PRKN: variants seen among roughly 807,000 people sequenced by gnomAD.
PRKN encodes E3 ubiquitin-protein ligase parkin.
A neutral mutation model predicts 59.5 loss-of-function variants in PRKN; 56 were observed. That is an observed-to-expected ratio of 0.94 (90% CI 0.76 to 1.18). The LOEUF (loss-of-function observed/expected upper bound fraction) is 1.18. Among genes scored for constraint, PRKN ranks in the 50% most tolerant of loss-of-function variants. The pLI, the probability that PRKN is intolerant of heterozygous loss-of-function variation, is 0.00. For synonymous variants in PRKN, 250 were observed against 222.1 expected, an observed-to-expected ratio of 1.13 and a Z score of -1.12; for missense variants, 657 against 596.4, an observed-to-expected ratio of 1.10 and a Z score of -1.06.
Position 162,126,224 on chromosome 6 carries a change from T to G in PRKN, c.535-72050A>C, listed in dbSNP as rs564127712. Reference sequence around the variant, plus strand: ...AGACCGAGACACAGAGTTCTCATTCTCATTCCCAATGGGAAGCAGCACTAA... The same window carrying G: ...AGACCGAGACACAGAGTTCTCATTCGCATTCCCAATGGGAAGCAGCACTAA... On this transcript the variant is annotated intron_variant, in intron 4 of 11. Transcript: ENST00000366898. 2.8e-4 allele frequency among the ~76,000 whole-genome samples: 43 copies of G among 152,328 alleles called. No individual in the cohort carries two copies. In the East Asian group the frequency reaches 4.8e-3, roughly 17 times the overall value.
chr6:162,539,369 T>G (rs970042516), intron 1 of PRKN, among the ~76,000 whole-genome samples: 1 of 152,192 alleles, frequency 6.6e-6, no homozygotes, highest in Non-Finnish European at 1.5e-5. Flanking sequence ...TTCATAATTG[T>G]TCATGTCCCT....
At chr6:161,564,629 T>G (rs1013028364) in intron 8 of PRKN, among the ~76,000 whole-genome samples, 5 of 152,076 alleles carry the variant, frequency 3.3e-5, no homozygotes, top group African/African-American at 4.8e-5. Flanking sequence ...AGTAAAACAT[T>G]TTCCCTTTCT....
intron 6 of PRKN, among the ~76,000 whole-genome samples, chr6:161,896,541 C>T (rs534798224): frequency 1.3e-5 from 2 of 152,242 alleles, no homozygotes; most frequent in Non-Finnish European, 2.9e-5. Flanking sequence ...TAGAAACATC[C>T]CCTGACCTAG....
chr6:161,973,014 C>G (rs1281669285), intron 6 of PRKN, among the ~76,000 whole-genome samples: 1 of 152,156 alleles, frequency 6.6e-6, no homozygotes, highest in African/African-American at 2.4e-5. Context: ...ATTTTAATAT[C>G]AACTAAGATT....
chr6:161,550,804 G>C lies in PRKN; in HGVS notation c.934-1801C>G, dbSNP rs753426898. Among the ~76,000 whole-genome samples the C allele has an allele frequency of 6.6e-6, 1 of 151,480 alleles. No homozygotes were observed. The highest frequency in any genetic ancestry group is 1.5e-5 in the Non-Finnish European group (1 of 67,874). ...AAATAATTATTTCTATTGTGCTCGT[G>C]TTCAGTTTGATAAGCTATTACACAG... On this transcript the variant is annotated intron_variant, in intron 8 of 11. Transcript: ENST00000366898. The surrounding 1 kb of genome is among the most constrained non-coding windows in gnomAD (Gnocchi z 4.0).
At chr6:161,972,878 A>T (rs914224860) in intron 6 of PRKN, among the ~76,000 whole-genome samples, 1 of 152,134 alleles carries the variant, frequency 6.6e-6, no homozygotes, top group Non-Finnish European at 1.5e-5. Context: ...CTACAAATAC[A>T]AAAAATTAGC....
intron 2 of PRKN, among the ~76,000 whole-genome samples, chr6:162,315,214 A>G (rs1782699860): frequency 6.6e-6 from 1 of 152,168 alleles, no homozygotes; most frequent in African/African-American, 2.4e-5. Context: ...AACTCTAACG[A>G]CCGACTTCCT....
rs1784599335 is a variant in PRKN at position 161,352,745 on chromosome 6, GTGTGTGTGTGTA to G, written c.1286-2546_1286-2535del. ...ATGAAGAGTGTGTGTGTGTGTGTGT[GTGTGTGTGTGTA>G]TATATATATATATATTTTATTTTAT... On this transcript the variant is annotated intron_variant, in intron 11 of 11. Coordinates refer to ENST00000366898, the MANE Select transcript of PRKN (RefSeq NM_004562.3). The surrounding 1 kb of genome is among the most constrained non-coding windows in gnomAD (Gnocchi z 5.8). 7.4e-6 allele frequency among the ~76,000 whole-genome samples: 1 copy of G among 135,976 alleles called. No homozygotes were observed. The allele number at this position is 135,976 out of a possible 152,430, so 89.2% of individuals were successfully genotyped here.
intron 2 of PRKN, among the ~76,000 whole-genome samples, chr6:162,374,413 AGTTT>A (rs1785940439): frequency 6.8e-6 from 1 of 146,690 alleles, no homozygotes; most frequent in East Asian, 2.0e-4. Context: ...TTTAAGTTTT[AGTTT>A]GTTTATGTGA....
intron 1 of PRKN, among the ~76,000 whole-genome samples, chr6:162,507,609 G>A (rs1469644806): frequency 6.6e-6 from 1 of 152,036 alleles, no homozygotes; most frequent in Non-Finnish European, 1.5e-5. Flanking sequence ...GTGTGAACTA[G>A]GTAAATTAAC....
At chr6:162,485,063 A>G (rs1320841220) in intron 1 of PRKN, among the ~76,000 whole-genome samples, 1 of 152,242 alleles carries the variant, frequency 6.6e-6, no homozygotes, top group Admixed American at 6.5e-5. Context: ...TAACATAAAA[A>G]ATACATTTTA....
chr6:161,476,112 G>C (rs1379415729), intron 9 of PRKN, among the ~76,000 whole-genome samples: 1 of 151,636 alleles, frequency 6.6e-6, no homozygotes, highest in African/African-American at 2.4e-5. Flanking sequence ...GTGTGGACCC[G>C]GGAGGCGGAG....
chr6:161,538,646 G>A lies in PRKN; in HGVS notation c.1083+10208C>T, dbSNP rs572544076. 2.0e-5 allele frequency among the ~76,000 whole-genome samples: 3 copies of A among 152,252 alleles called. No homozygotes were observed. The East Asian group carries it at 5.8e-4, about 29-fold the overall frequency. Reference sequence around the variant, plus strand: ...GGGGCCCACTGAGATGCCAAGCGGAGAAGGAGGAAAAATGGCTGCATTTCT... The same window carrying A: ...GGGGCCCACTGAGATGCCAAGCGGAAAAGGAGGAAAAATGGCTGCATTTCT... On this transcript the variant is annotated intron_variant, in intron 9 of 11. Coordinates refer to ENST00000366898, the MANE Select transcript of PRKN (RefSeq NM_004562.3). The surrounding 1 kb of genome is among the most constrained non-coding windows in gnomAD (Gnocchi z 4.2).
chr6:161,817,598 C>A (rs1791842760), intron 6 of PRKN, among the ~76,000 whole-genome samples: 2 of 152,188 alleles, frequency 1.3e-5, no homozygotes, highest in South Asian at 4.1e-4. Flanking sequence ...ACCTATATTG[C>A]TCAGTCCTCC....
intron 2 of PRKN, among the ~76,000 whole-genome samples, chr6:162,417,097 C>T (rs765304213): frequency 2.6e-5 from 4 of 152,114 alleles, no homozygotes; most frequent in African/African-American, 9.7e-5. Flanking sequence ...TCAAACAACA[C>T]AGGGTAAGAG....
intron 9 of PRKN, among the ~76,000 whole-genome samples, chr6:161,532,965 G>T (rs767199067): frequency 4.6e-5 from 7 of 152,124 alleles, no homozygotes; most frequent in Non-Finnish European, 4.4e-5. Flanking sequence ...TGAGGAAACA[G>T]TAAGGAAAAT....
chr6:161,542,404 T>C (rs752612842), intron 9 of PRKN, among the ~76,000 whole-genome samples: 1 of 152,240 alleles, frequency 6.6e-6, no homozygotes. Context: ...TAGGAATGTC[T>C]GCCAACTGAT....
intron 2 of PRKN, among the ~76,000 whole-genome samples, chr6:162,335,134 C>A (rs1047628871): frequency 5.9e-5 from 9 of 152,050 alleles, no homozygotes; most frequent in African/African-American, 1.9e-4. Flanking sequence ...CTGCCTCAGC[C>A]TCCCGAGTAC....
chr6:161,687,457 A>G (rs1785606060), intron 7 of PRKN, among the ~76,000 whole-genome samples: 1 of 149,328 alleles, frequency 6.7e-6, no homozygotes. Context: ...TTTTTTTTAA[A>G]TTAAAAAAAA....
Sources: gnomAD v4.1 joint callset for allele counts (sites outside exome capture counted in the v4.1 genomes callset) on GRCh38, gnomAD v4.1.1 for gene constraint, Gnocchi (gnomAD v3.1) non-coding constraint, MANE v1.5 for transcripts, NCBI Gene and HGNC (gene_info 2026-07-23, HGNC 2026-07-21) for gene names.